The following ASIC2 variants were observed in gnomAD, a reference collection of about 807,000 sequenced individuals.
ASIC2 encodes the protein acid-sensing ion channel 2.
In ASIC2, 25 loss-of-function variants were observed where a neutral mutation model predicts 57.3. The ratio of observed to expected loss-of-function variants is 0.44; its 90% CI spans 0.32 to 0.61. ASIC2 has a LOEUF of 0.61. ASIC2 is among the 20% of genes least tolerant of loss of function. The pLI is 0.06. For synonymous variants in ASIC2, 319 were observed against 307.5 expected (o/e 1.04, Z -0.39); for missense variants, 641 against 738.1 (o/e 0.87, Z 1.52).
intron 1 of ASIC2, among the ~76,000 whole-genome samples, chr17:33,865,596 C>T (rs187398181): frequency 6.6e-6 from 1 of 151,916 alleles, no homozygotes; most frequent in African/African-American, 2.4e-5. Context: ...GGTGGATGCT[C>T]TTTCTAAAAA....
At chr17:33,682,427 CCATTTTCT>C (rs1404112247) in intron 1 of ASIC2, among the ~76,000 whole-genome samples, 1 of 152,056 alleles carries the variant, frequency 6.6e-6, no homozygotes, top group African/African-American at 2.4e-5. Flanking sequence ...CTCCATTTTC[CCATTTTCT>C]ATTCTCCCCA....
At chr17:33,676,682 C>T (rs1907832294) in intron 1 of ASIC2, among the ~76,000 whole-genome samples, 1 of 152,226 alleles carries the variant, frequency 6.6e-6, no homozygotes, top group Non-Finnish European at 1.5e-5. Flanking sequence ...AGAAAGAAGC[C>T]ATCTCCACAA....
At chr17:33,413,101 C>A (rs930841876) in intron 1 of ASIC2, among the ~76,000 whole-genome samples, 1 of 152,030 alleles carries the variant, frequency 6.6e-6, no homozygotes, top group Non-Finnish European at 1.5e-5. Context: ...ATAGGGGGTG[C>A]CATTGAGGAG....
intron 1 of ASIC2, among the ~76,000 whole-genome samples, chr17:33,388,367 C>A (rs12941575): frequency 0.51 from 76,842 of 152,040 alleles, 22,061 homozygotes; most frequent in Non-Finnish European, 0.65. Context: ...TTGTTTTAAG[C>A]CCCTCACTAC....
intron 1 of ASIC2, among the ~76,000 whole-genome samples, chr17:33,166,827 G>A (rs1267675091): frequency 6.6e-6 from 1 of 152,218 alleles, no homozygotes; most frequent in Non-Finnish European, 1.5e-5. Context: ...ACTCATCAGA[G>A]AATGTCAAAT....
At chr17:33,909,278 A>G (rs1473995322) in intron 1 of ASIC2, among the ~76,000 whole-genome samples, 3 of 152,210 alleles carry the variant, frequency 2.0e-5, no homozygotes, top group Non-Finnish European at 2.9e-5. Context: ...CGTTGTTTCT[A>G]ACAAAATAGC....
intron 1 of ASIC2, among the ~76,000 whole-genome samples, chr17:33,587,619 A>G (rs719465): frequency 0.62 from 93,792 of 151,810 alleles, 30,526 homozygotes; most frequent in African/African-American, 0.84. Flanking sequence ...TGCCATGATT[A>G]GCTTAGGCCA....
chr17:33,196,203 T>C (rs186993660), intron 1 of ASIC2, among the ~76,000 whole-genome samples: 379 of 152,242 alleles, frequency 2.5e-3, no homozygotes, highest in Non-Finnish European at 3.3e-3. Context: ...TTGGAGAGGT[T>C]AAACAATTGA....
chr17:33,874,880 G>A (rs1259016730), intron 1 of ASIC2, among the ~76,000 whole-genome samples: 2 of 152,138 alleles, frequency 1.3e-5, no homozygotes, highest in Admixed American at 6.5e-5. Flanking sequence ...GCTGATTACC[G>A]GGGACCACAC....
intron 1 of ASIC2, among the ~76,000 whole-genome samples, chr17:33,887,014 G>A (rs542722932): frequency 6.6e-6 from 1 of 152,144 alleles, no homozygotes; most frequent in South Asian, 2.1e-4. Flanking sequence ...GAGCAGGAGA[G>A]AGCCGACTGT....
At chr17:33,835,307 T>C (rs1913241351) in intron 1 of ASIC2, among the ~76,000 whole-genome samples, 1 of 152,182 alleles carries the variant, frequency 6.6e-6, no homozygotes, top group Non-Finnish European at 1.5e-5. Flanking sequence ...GTCAAATCTG[T>C]TTTTCATCTC....
chr17:33,988,400 A>C (rs1332296654), intron 1 of ASIC2, among the ~76,000 whole-genome samples: 1 of 152,112 alleles, frequency 6.6e-6, no homozygotes, highest in Non-Finnish European at 1.5e-5. Context: ...TCCCCTGCAC[A>C]AGCTCTCTCT....
intron 1 of ASIC2, among the ~76,000 whole-genome samples, chr17:33,897,884 A>T (rs1011154757): frequency 6.6e-6 from 1 of 152,182 alleles, no homozygotes; most frequent in African/African-American, 2.4e-5. Flanking sequence ...TTGGAAGTGG[A>T]TTTACACCAG....
At chr17:33,462,468 A>T (rs1372912405) in intron 1 of ASIC2, among the ~76,000 whole-genome samples, 2 of 152,160 alleles carry the variant, frequency 1.3e-5, no homozygotes, top group Admixed American at 1.3e-4. Context: ...ACCCTAGGGG[A>T]TGAAAGAGAC....
intron 1 of ASIC2, among the ~76,000 whole-genome samples, chr17:33,794,974 C>A (rs775467450): frequency 6.6e-6 from 1 of 152,108 alleles, no homozygotes; most frequent in African/African-American, 2.4e-5. Context: ...AGAAAATGAG[C>A]CACATTATCT....
intron 1 of ASIC2, among the ~76,000 whole-genome samples, chr17:33,485,484 G>A (rs985204221): frequency 6.6e-6 from 1 of 152,194 alleles, no homozygotes; most frequent in Admixed American, 6.5e-5. Context: ...CAGTTAGTAG[G>A]CTCCATGTGC....
At position 33,130,696 on chromosome 17, in the gene ASIC2, G is replaced by C. The variant is rs373744346; in HGVS notation, c.709-18629C>G. 9.2e-5 allele frequency among the ~76,000 whole-genome samples: 14 copies of C among 152,308 alleles called. No homozygotes were observed. In the East Asian group the frequency reaches 1.4e-3, roughly 15 times the overall value. On this transcript the variant is annotated intron_variant, in intron 1 of 9. Transcript: ENST00000225823. ...GATCCTCACTTTTTCCTCCTGGAGGGGGGGACTTGGCTGGAGTCTAGAAGA... is the reference window on the plus strand; with the variant it reads ...GATCCTCACTTTTTCCTCCTGGAGGCGGGGACTTGGCTGGAGTCTAGAAGA...
intron 1 of ASIC2, among the ~76,000 whole-genome samples, chr17:33,795,907 C>CA (rs954731011): frequency 6.6e-6 from 1 of 152,102 alleles, no homozygotes; most frequent in Admixed American, 6.5e-5. Flanking sequence ...TAAACAACAA[C>CA]AAAAAAAGAG....
intron 1 of ASIC2, among the ~76,000 whole-genome samples, chr17:33,389,537 G>A (rs555468132): frequency 6.6e-6 from 1 of 152,294 alleles, no homozygotes; most frequent in South Asian, 2.1e-4. Flanking sequence ...TAATATGTCA[G>A]CAGAGCAAAG....
Sources: gnomAD v4.1 joint callset for allele counts (sites outside exome capture counted in the v4.1 genomes callset) on GRCh38, gnomAD v4.1.1 for gene constraint, MANE v1.5 for transcripts, NCBI Gene and HGNC (gene_info 2026-07-23, HGNC 2026-07-21) for gene names.